MACF1: variants seen among roughly 807,000 people sequenced by gnomAD.
The protein encoded by MACF1 is microtubule-actin cross-linking factor 1.
MACF1 carries 193 observed loss-of-function variants against 854.8 expected under a neutral mutation model. That is an observed-to-expected ratio of 0.23 (90% CI 0.20 to 0.25). The LOEUF is 0.25. MACF1 is among the 10% of genes least tolerant of loss of function. MACF1 has a pLI of 1.00. For missense variants in MACF1, 7,722 were observed against 8,929.1 expected, an observed-to-expected ratio of 0.86 and a Z score of 5.45; for synonymous variants, 3,185 against 3,226.7, an observed-to-expected ratio of 0.99 and a Z score of 0.44.
Position 39,385,803 on chromosome 1 carries a change from G to A in MACF1, c.14218G>A (p.Val4740Ile), listed in dbSNP as rs777519700. ...RSDLEQLDHE[V>I]KEAQTLCDEL... ...TGACTTGGAGCAGTTAGACCACGAG[G>A]TTAAGGAGGCTCAGACACTGTGCGA... The change falls in exon 57 of 101, where the codon GTT becomes ATT. Residue 4740 changes from valine to isoleucine, a missense_variant. Val to Ile is a conservative substitution (Grantham distance 29). This residue lies in a region of MACF1 where 2,807 missense variants were observed against 3,235.8 expected (regional missense o/e 0.87). Transcript: ENST00000564288. 3.1e-6 allele frequency: 5 copies of A among 1,614,026 alleles called. No individual in the cohort carries two copies. Among genetic ancestry groups the A allele is most frequent in the Middle Eastern group, 1.6e-4 (1 of 6,084 alleles).
intron 2 of MACF1, among the ~76,000 whole-genome samples, chr1:39,155,760 C>G (rs1643669848): frequency 6.6e-6 from 1 of 152,216 alleles, no homozygotes; most frequent in Non-Finnish European, 1.5e-5. Context: ...GCTCTTGTTG[C>G]CCAGGCTGGA....
chr1:39,472,673 C>T (rs1188942860), intron 97 of MACF1, among the ~76,000 whole-genome samples: 1 of 152,118 alleles, frequency 6.6e-6, no homozygotes, highest in African/African-American at 2.4e-5. Flanking sequence ...ATTAGCTAGG[C>T]ATGGCTTGGG....
At position 39,257,998 on chromosome 1, in the gene MACF1, T is replaced by C; in HGVS notation, c.498T>C (p.Gly166=). 6 of 1,614,138 alleles carry C rather than the reference T, an allele frequency of 3.7e-6. No homozygotes were observed. Among genetic ancestry groups the C allele is most frequent in the Non-Finnish European group, 4.2e-6 (5 of 1,180,006 alleles). ...ITDGNPKLTL[G]LIWTIILHFQ... ...ATGGCAACCCCAAGTTGACCCTGGG[T>C]CTGATCTGGACCATTATTTTGCATT... The change falls in exon 6 of 101, where the codon GGT becomes GGC. Residue 166 remains glycine (G), a synonymous_variant. Coordinates refer to ENST00000564288, the MANE Select transcript of MACF1 (RefSeq NM_001394062.1).
intron 2 of MACF1, among the ~76,000 whole-genome samples, chr1:39,242,530 C>T (rs1644936500): frequency 6.6e-6 from 1 of 151,988 alleles, no homozygotes; most frequent in African/African-American, 2.4e-5. Flanking sequence ...AGGCTGGTGG[C>T]TTGAGGCCAG....
chr1:39,435,544 C>CT lies in MACF1; in HGVS notation c.17785-7dup, dbSNP rs35354339. Reference sequence around the variant, plus strand: ...TAAAAGTACTCATTATGGTTTAATTCTTTTTTTACCTAGCAATTAAGGGAA... The same window carrying CT: ...TAAAAGTACTCATTATGGTTTAATTCTTTTTTTTACCTAGCAATTAAGGGAA... On this transcript the variant is annotated splice_polypyrimidine_tract_variant and intron_variant, in intron 69 of 100. Transcript: ENST00000564288. The CT allele has an allele frequency of 1.9e-6, 3 of 1,603,740 alleles. No homozygotes were observed. The highest frequency in any genetic ancestry group is 1.1e-5 in the South Asian group (1 of 90,460).
chr1:39,086,836 G>C (rs1342510687), intron 2 of MACF1, among the ~76,000 whole-genome samples: 2 of 152,200 alleles, frequency 1.3e-5, no homozygotes, highest in African/African-American at 4.8e-5. Context: ...TTCTGGCATA[G>C]ATGCTGATCT....
chr1:39,095,087 G>A (rs1557448735), intron 2 of MACF1, among the ~76,000 whole-genome samples: 2 of 152,164 alleles, frequency 1.3e-5, no homozygotes, highest in Non-Finnish European at 2.9e-5. Flanking sequence ...CCTTGGGTAG[G>A]CATGATTGAC....
At chr1:39,097,845 A>C (rs567757477) in intron 2 of MACF1, among the ~76,000 whole-genome samples, 1 of 152,278 alleles carries the variant, frequency 6.6e-6, no homozygotes, top group African/African-American at 2.4e-5. Flanking sequence ...AGCATTGGCC[A>C]CCACTCTCAA....
Position 39,283,029 on chromosome 1 carries a change from A to G in MACF1, c.696-160A>G. 5.1e-6 allele frequency: 3 copies of G among 589,936 alleles called. No homozygotes were observed. The highest frequency in any genetic ancestry group is 9.0e-6 in the Non-Finnish European group (3 of 331,794). 36.5% of individuals were successfully genotyped at this position (589,936 alleles called of 1,614,324 possible). A position where few individuals can be genotyped will look rare whatever the true frequency, so the allele number is the denominator to read the frequency against. On this transcript the variant is annotated intron_variant, in intron 7 of 100. Coordinates refer to ENST00000564288, the MANE Select transcript of MACF1 (RefSeq NM_001394062.1). The surrounding 1 kb of genome is among the most constrained non-coding windows in gnomAD (Gnocchi z 4.5). The stretch of plus-strand genomic sequence containing the variant: ...TTAGGGAGCACTGGGCCCCTGGTGT[A>G]TACTTAAAAATGGAATTTGTACTCT...
intron 80 of MACF1, among the ~76,000 whole-genome samples, chr1:39,446,414 T>A (rs1183545585): frequency 6.6e-6 from 1 of 152,054 alleles, no homozygotes; most frequent in East Asian, 1.9e-4. Context: ...AACATTTCTA[T>A]ATATATTTGA....
rs144390369 is a variant in MACF1 at position 39,228,810 on chromosome 1, T to C, written c.110-2372T>C. Among the ~76,000 whole-genome samples the C allele has an allele frequency of 9.0e-3, 1,369 of 152,226 alleles. 17 individuals carry two copies. The highest frequency in any genetic ancestry group is 0.031 in the African/African-American group (1,282 of 41,540). On this transcript the variant is annotated intron_variant, in intron 1 of 100. Coordinates refer to ENST00000564288, the MANE Select transcript of MACF1 (RefSeq NM_001394062.1). ...CTGGGATTGCAGGCATGCGCCACCA[T>C]GTCCAGCTAATTTTTGTATTTTTAG... is the stretch of plus-strand genomic sequence containing the variant.
At chr1:39,275,661 A>G (rs1477210946) in intron 6 of MACF1, among the ~76,000 whole-genome samples, 1 of 152,218 alleles carries the variant, frequency 6.6e-6, no homozygotes, top group Non-Finnish European at 1.5e-5. Context: ...ACTGTTCTTT[A>G]GAAAGTAGTT....
intron 22 of MACF1, among the ~76,000 whole-genome samples, chr1:39,301,028 G>A (rs1646029134): frequency 6.6e-6 from 1 of 152,026 alleles, no homozygotes; most frequent in South Asian, 2.1e-4. Flanking sequence ...AAAAATAAAA[G>A]GCATAAGTTT....
At chr1:39,125,111 C>T (rs925124748) in intron 2 of MACF1, among the ~76,000 whole-genome samples, 1 of 151,342 alleles carries the variant, frequency 6.6e-6, no homozygotes, top group Non-Finnish European at 1.5e-5. Flanking sequence ...AGCAATTAAA[C>T]AAAAAAAGAC....
At chr1:39,419,821 G>A (rs1643466111) in intron 58 of MACF1, among the ~76,000 whole-genome samples, 1 of 151,118 alleles carries the variant, frequency 6.6e-6, no homozygotes, top group South Asian at 2.1e-4. Flanking sequence ...GTGTGTGTGT[G>A]TGTGTGTGTG....
chr1:39,288,165 TACAG>T (rs1394134611), intron 15 of MACF1, among the ~76,000 whole-genome samples: 9 of 152,196 alleles, frequency 5.9e-5, no homozygotes, highest in African/African-American at 2.2e-4. Context: ...TCCTTTGTGT[TACAG>T]ACAATCCAGT....
chr1:39,388,609 T>C lies in MACF1; in HGVS notation c.15767T>C (p.Val5256Ala), dbSNP rs1641890891. Reference protein sequence around the residue: ...AAEEAEALQWVVGTEVEIINQ... With the variant: ...AAEEAEALQWAVGTEVEIINQ... ...GAGGAGGCAGAGGCCCTCCAGTGGGTAGTGGGGACCGAAGTGGAAATCATC... is the reference window on the plus strand; with the variant it reads ...GAGGAGGCAGAGGCCCTCCAGTGGGCAGTGGGGACCGAAGTGGAAATCATC... The change falls in exon 58 of 101, where the codon GTA becomes GCA. Residue 5256 changes from valine (V) to alanine (A), a missense_variant. By Grantham distance (64) the Val-to-Ala change is moderately conservative. Coordinates refer to ENST00000564288, the MANE Select transcript of MACF1 (RefSeq NM_001394062.1). The C allele has an allele frequency of 1.9e-6, 3 of 1,602,222 alleles. No individual in the cohort carries two copies. In the South Asian group the frequency reaches 3.4e-5, roughly 18 times the overall value.
At chr1:39,204,093 G>A (rs1469142356), upstream of MACF1, among the ~76,000 whole-genome samples, 3 of 152,072 alleles carry the variant, frequency 2.0e-5, no homozygotes, top group Non-Finnish European at 4.4e-5. Context: ...GGCCAACATG[G>A]TGAAACCCCA....
Position 39,448,655 on chromosome 1 carries a change from G to A in MACF1, c.20150G>A (p.Arg6717Lys), listed in dbSNP as rs1476782362. ...PVYDTTIRTG[R>K]ALKEKTLLPE... Reference sequence around the variant, plus strand: ...TATGATACCACAATTAGAACTGGCAGAGCACTGAAAGAAAAGACTTTGCTT... The same window carrying A: ...TATGATACCACAATTAGAACTGGCAAAGCACTGAAAGAAAAGACTTTGCTT... The change falls in exon 84 of 101, where the codon AGA (arginine) becomes AAA (lysine). Residue 6717 changes from arginine to lysine, a missense_variant. Transcript: ENST00000564288. The A allele has an allele frequency of 6.2e-7, 1 of 1,613,196 alleles. No individual in the cohort carries two copies. Among genetic ancestry groups the A allele is most frequent in the Non-Finnish European group, 8.5e-7 (1 of 1,179,450 alleles).
Sources: allele counts gnomAD v4.1 joint callset (sites outside exome capture counted in the v4.1 genomes callset), GRCh38; gene constraint gnomAD v4.1.1; regional missense constraint gnomAD v4.1.1; non-coding constraint Gnocchi (gnomAD v3.1); transcripts MANE v1.5; gene names NCBI Gene and HGNC (gene_info 2026-07-23, HGNC 2026-07-21).